Variants in KIAA1671 observed in about 807,000 individuals in gnomAD.
KIAA1671 encodes uncharacterized protein KIAA1671.
In KIAA1671, 52 loss-of-function variants were observed where a neutral mutation model predicts 131.2. That is an observed-to-expected ratio of 0.40 (90% CI 0.32 to 0.50). The LOEUF is 0.50. Ranked by LOEUF, KIAA1671 falls within the 20% of genes least tolerant of loss-of-function variation. The pLI, the probability that KIAA1671 is intolerant of heterozygous loss-of-function variation, is 0.73. For missense variants in KIAA1671, 2,360 were observed against 2,364.2 expected (o/e 1.00, Z 0.04); for synonymous variants, 1,003 against 961.6 (o/e 1.04, Z -0.80).
rs1926747406 is a variant in KIAA1671, at chr22:25,038,749, T to A, written c.1630-11T>A. 1 of 1,518,488 alleles carries A rather than the reference T, an allele frequency of 6.6e-7. No individual in the cohort carries two copies. Among genetic ancestry groups the A allele is most frequent in the African/African-American group, 1.4e-5 (1 of 71,760 alleles). The allele number at this position is 1,518,488 out of a possible 1,614,324, so 94.1% of individuals were successfully genotyped here. A position where few individuals can be genotyped will look rare whatever the true frequency, so the allele number is the denominator to read the frequency against. On this transcript the variant is annotated splice_polypyrimidine_tract_variant and intron_variant, in intron 4 of 12. Transcript: ENST00000358431. Reference sequence around the variant, plus strand: ...ACTGAGGTGTTTCTTTTTCTTTTTGTTTCTTTCCAGCAAAAGGAGGGGCAC... The same window carrying A: ...ACTGAGGTGTTTCTTTTTCTTTTTGATTCTTTCCAGCAAAAGGAGGGGCAC...
chr22:25,104,856 T>C (rs945088120), intron 6 of KIAA1671, among the ~76,000 whole-genome samples: 2 of 152,172 alleles, frequency 1.3e-5, no homozygotes, highest in African/African-American at 4.8e-5. Flanking sequence ...GAGTTGGCCT[T>C]CCACCCTTAA....
rs1926771454 is a variant in KIAA1671 at position 25,039,053 on chromosome 22, C to G, written c.1923C>G (p.Ala641=). The change falls in exon 5 of 13, where the codon GCC becomes GCG. Residue 641 remains alanine, a synonymous_variant. Transcript: ENST00000358431. The part of the protein sequence containing the change: ...CLSTTPPGDM[A]HARVSEPRPR... Reference sequence around the variant, plus strand: ...CCACCACACCCCCTGGTGACATGGCCCATGCCCGTGTCTCAGAACCCAGGC... The same window carrying G: ...CCACCACACCCCCTGGTGACATGGCGCATGCCCGTGTCTCAGAACCCAGGC... The G allele has an allele frequency of 2.6e-6, 4 of 1,551,594 alleles. No homozygotes were observed. The highest frequency in any genetic ancestry group is 3.3e-4 in the Middle Eastern group (2 of 6,014).
chr22:25,060,689 G>A (rs1928111645), intron 6 of KIAA1671: 1 of 152,236 alleles, frequency 6.6e-6, no homozygotes, highest in Non-Finnish European at 1.5e-5. Context: ...GGTAGCACAG[G>A]TGGGGGCTCA....
chr22:25,068,626 C>T (rs767051690), intron 6 of KIAA1671, among the ~76,000 whole-genome samples: 61 of 152,230 alleles, frequency 4.0e-4, no homozygotes, highest in Non-Finnish European at 7.6e-4. Context: ...TTAGTAGAGA[C>T]GGGGTTTCAC....
Position 25,055,782 on chromosome 22 carries a change from A to G in KIAA1671, c.4530+6418A>G, listed in dbSNP as rs1470416443. The G allele has an allele frequency of 3.6e-5, 5 of 138,564 alleles. 2 individuals are homozygous for G. In the South Asian group the frequency reaches 1.1e-3, roughly 29 times the overall value. 8.6% of individuals were successfully genotyped at this position (138,564 alleles called of 1,614,324 possible). A position where few individuals can be genotyped will look rare whatever the true frequency, so the allele number is the denominator to read the frequency against. ...TGTAGGAATACATACACACAAACATATATATAGATAGATATAGATAGATAT... is the reference window on the plus strand; with the variant it reads ...TGTAGGAATACATACACACAAACATGTATATAGATAGATATAGATAGATAT... On this transcript the variant is annotated intron_variant, in intron 6 of 12. Transcript: ENST00000358431.
At chr22:25,170,376 T>C (rs1166970006) in intron 6 of KIAA1671, among the ~76,000 whole-genome samples, 1 of 152,168 alleles carries the variant, frequency 6.6e-6, no homozygotes. Flanking sequence ...GGATGTTCTG[T>C]CTGGTGATGC....
chr22:24,967,861 CG>C (rs1922383491), intron 1 of KIAA1671, among the ~76,000 whole-genome samples: 1 of 152,050 alleles, frequency 6.6e-6, no homozygotes, highest in African/African-American at 2.4e-5. Context: ...GGCGTGGTGG[CG>C]GGTGCCTGTA....
chr22:25,136,595 T>C (rs560892104), intron 6 of KIAA1671, among the ~76,000 whole-genome samples: 1 of 152,310 alleles, frequency 6.6e-6, no homozygotes, highest in East Asian at 1.9e-4. Context: ...CGTTTTTGCC[T>C]CCATTTGTCC....
chr22:25,064,294 C>G (rs2145839725), intron 6 of KIAA1671: 1 of 152,046 alleles, frequency 6.6e-6, no homozygotes, highest in African/African-American at 2.4e-5. Context: ...ATTCTGACCT[C>G]AAGTGATCCA....
At chr22:24,980,752 T>TA (rs200376296) in intron 1 of KIAA1671, among the ~76,000 whole-genome samples, 74 of 149,116 alleles carry the variant, frequency 5.0e-4, no homozygotes, top group South Asian at 2.1e-3. Context: ...TTATTATTAT[T>TA]TTTTTTTTTT....
intron 5 of KIAA1671, among the ~76,000 whole-genome samples, chr22:25,041,934 G>C (rs901542580): frequency 6.6e-6 from 1 of 151,958 alleles, no homozygotes; most frequent in Non-Finnish European, 1.5e-5. Flanking sequence ...TGTAGAGACA[G>C]GGTTTTGCCA....
intron 11 of KIAA1671, 87 bp from the exon 12 acceptor site, chr22:25,190,615 G>A: frequency 1.7e-6 from 2 of 1,144,868 alleles, no homozygotes; most frequent in Non-Finnish European, 2.6e-6. Flanking sequence ...TGGGCCCAGG[G>A]ATAGACAGTC....
chr22:25,019,514 TA>T (rs562905916), intron 1 of KIAA1671, among the ~76,000 whole-genome samples: 27 of 147,984 alleles, frequency 1.8e-4, no homozygotes, highest in African/African-American at 6.2e-4. Flanking sequence ...TATTGAGATG[TA>T]AAAAAAAAAT....
At position 25,028,469 on chromosome 22, in the gene KIAA1671, G is replaced by C. The variant is rs948154822; in HGVS notation, c.470G>C (p.Gly157Ala). Residue 157 changes from glycine (G) to alanine (A), a missense_variant, in exon 3 of 13, where the codon GGG becomes GCG. Physicochemically the swap from Gly to Ala is moderately conservative, Grantham distance 60. Coordinates refer to ENST00000358431, the MANE Select transcript of KIAA1671 (RefSeq NM_001145206.2). ...ACCACCAAAAGCGGCCCCGCTCTGGGGAAGGCGGTTAGTGAGGGGGCGGAG... is the reference window on the plus strand; with the variant it reads ...ACCACCAAAAGCGGCCCCGCTCTGGCGAAGGCGGTTAGTGAGGGGGCGGAG... ...FETTKSGPAL[G>A]KAVSEGAEEA... The C allele has an allele frequency of 4.5e-5, 69 of 1,550,198 alleles. No homozygotes were observed. Among genetic ancestry groups the C allele is most frequent in the Non-Finnish European group, 5.9e-5 (68 of 1,146,496 alleles).
Position 25,127,158 on chromosome 22 carries a change from A to T in KIAA1671, c.4531-43662A>T, listed in dbSNP as rs146159441. On this transcript the variant is annotated intron_variant, in intron 6 of 12. Transcript: ENST00000358431. ...CCATCTGTTAAAAGGGAATCATAAT[A>T]CTCTTCATGGTGGTGAGAATTCCAT... Among the ~76,000 whole-genome samples, 72 of 151,978 alleles carry T rather than the reference A, an allele frequency of 4.7e-4. 1 individual carries two copies. In the East Asian group the frequency reaches 0.012, roughly 26 times the overall value.
chr22:25,002,412 AACCACAC>A (rs1357833967), intron 1 of KIAA1671, among the ~76,000 whole-genome samples: 1 of 152,104 alleles, frequency 6.6e-6, no homozygotes, highest in Non-Finnish European at 1.5e-5. Flanking sequence ...ATGTTAACAA[AACCACAC>A]ACCTCAGGCT....
At chr22:25,044,635 T>TA (rs34811266) in intron 5 of KIAA1671, among the ~76,000 whole-genome samples, 15 of 150,562 alleles carry the variant, frequency 1.0e-4, no homozygotes, top group South Asian at 6.3e-4. Context: ...TCTTTGATCT[T>TA]AAAAAAAAAA....
At chr22:25,180,841 G>T (rs1403422114) in intron 9 of KIAA1671, among the ~76,000 whole-genome samples, 1 of 152,186 alleles carries the variant, frequency 6.6e-6, no homozygotes, top group Non-Finnish European at 1.5e-5. Context: ...CACTTTCTTG[G>T]TTTTCTGAGC....
At chr22:25,019,148 A>T (rs1657584805) in intron 1 of KIAA1671, among the ~76,000 whole-genome samples, 1 of 151,582 alleles carries the variant, frequency 6.6e-6, no homozygotes. Context: ...ACATTTGAAC[A>T]CTGTAACAAG....
Sources: gnomAD v4.1 joint callset for allele counts (sites outside exome capture counted in the v4.1 genomes callset) on GRCh38, gnomAD v4.1.1 for gene constraint, MANE v1.5 for transcripts, NCBI Gene and HGNC (gene_info 2026-07-23, HGNC 2026-07-21) for gene names.